The following PRKN variants were observed in gnomAD, a reference collection of about 807,000 sequenced individuals.
PRKN encodes E3 ubiquitin-protein ligase parkin.
A neutral mutation model predicts 59.5 loss-of-function variants in PRKN; 56 were observed. The ratio of observed to expected loss-of-function variants is 0.94; its 90% CI spans 0.76 to 1.18. The LOEUF is 1.18. Among genes scored for constraint, PRKN ranks in the 50% most tolerant of loss-of-function variants. The pLI is 0.00. For missense variants in PRKN, 657 were observed against 596.4 expected (o/e 1.10, Z -1.06); for synonymous variants, 250 against 222.1 (o/e 1.13, Z -1.12).
At chr6:162,494,097 G>A (rs1792943022) in intron 1 of PRKN, among the ~76,000 whole-genome samples, 1 of 152,158 alleles carries the variant, frequency 6.6e-6, no homozygotes, top group Non-Finnish European at 1.5e-5. Context: ...TGGCTGTCTG[G>A]ACTACATTTC....
chr6:161,548,855 C>T lies in PRKN; in HGVS notation c.1082G>A (p.Gly361Glu). 1 of 1,614,068 alleles carries T rather than the reference C, an allele frequency of 6.2e-7. No individual in the cohort carries two copies. The highest frequency in any genetic ancestry group is 8.5e-7 in the Non-Finnish European group (1 of 1,179,934). Residue 361 changes from glycine (G) to glutamate (E), a missense_variant and splice_region_variant, in exon 9 of 12, where the codon GGG becomes GAG. Gly to Glu is a moderately conservative substitution (Grantham distance 98). Transcript: ENST00000366898. This position sits in a 1 kb window ranked among gnomAD's most constrained non-coding sequence, Gnocchi z 4.2. ...TCCAGGGGTGTGGGCAGTACTCACC[C>T]CACAGCCCAGGCCATTGCCCCCTTC... ...TCEGGNGLGC[G>E]FAFCRECKEA... is the part of the protein sequence containing the mutation.
At position 161,411,997 on chromosome 6, in the gene PRKN, TCACTCATTCCTC is replaced by T. The variant is rs1787578713; in HGVS notation, c.1084-25132_1084-25121del. On this transcript the variant is annotated intron_variant, in intron 9 of 11. Transcript: ENST00000366898. Reference sequence around the variant, plus strand: ...CATTCCTTCCTCATTCATTCCTTCCTCACTCATTCCTCCACTCATTCATTCACTCATTCATTC... The same window carrying T: ...CATTCCTTCCTCATTCATTCCTTCCTCACTCATTCATTCACTCATTCATTC... Among the ~76,000 whole-genome samples, 3 of 147,466 alleles carry T rather than the reference TCACTCATTCCTC, an allele frequency of 2.0e-5. No homozygotes were observed. In the South Asian group the frequency reaches 6.7e-4, roughly 33 times the overall value.
At position 161,393,091 on chromosome 6, in the gene PRKN, C is replaced by T. The variant is rs1455596321; in HGVS notation, c.1084-6214G>A. On this transcript the variant is annotated intron_variant, in intron 9 of 11. Transcript: ENST00000366898. This position sits in a 1 kb window ranked among gnomAD's most constrained non-coding sequence, Gnocchi z 4.7. ...TCATTTATTATCTGTGTGATCCCAA[C>T]ATCTCTTTGCTTGAGCTTTTTTGCA... Among the ~76,000 whole-genome samples, 1 of 152,072 alleles carries T rather than the reference C, an allele frequency of 6.6e-6. No homozygotes were observed. Among genetic ancestry groups the T allele is most frequent in the African/African-American group, 2.4e-5 (1 of 41,346 alleles).
At chr6:162,285,544 C>T (rs1781149147) in intron 2 of PRKN, among the ~76,000 whole-genome samples, 1 of 150,712 alleles carries the variant, frequency 6.6e-6, no homozygotes, top group Non-Finnish European at 1.5e-5. Flanking sequence ...ACACTGAAAC[C>T]AGTATAGTGC....
chr6:162,638,541 A>G (rs568320775), intron 1 of PRKN, among the ~76,000 whole-genome samples: 2 of 152,232 alleles, frequency 1.3e-5, no homozygotes, highest in South Asian at 4.2e-4. Context: ...GTCTAAAGCA[A>G]TGGTCTTCAT....
At chr6:162,048,340 C>A (rs1216751121) in intron 5 of PRKN, among the ~76,000 whole-genome samples, 1 of 151,870 alleles carries the variant, frequency 6.6e-6, no homozygotes, top group African/African-American at 2.4e-5. Flanking sequence ...CCATCCTAAA[C>A]CCTACTGTGT....
intron 4 of PRKN, among the ~76,000 whole-genome samples, chr6:162,084,735 T>C (rs1779186386): frequency 6.6e-6 from 1 of 152,202 alleles, no homozygotes; most frequent in Non-Finnish European, 1.5e-5. Context: ...GAGTGTACTG[T>C]AGTTACAGGA....
At chr6:162,228,102 G>A (rs1409992282) in intron 3 of PRKN, among the ~76,000 whole-genome samples, 1 of 152,096 alleles carries the variant, frequency 6.6e-6, no homozygotes, top group African/African-American at 2.4e-5. Context: ...CTCATTCAAG[G>A]ACCTGGGCAT....
At chr6:162,570,847 A>G (rs1040999738) in intron 1 of PRKN, among the ~76,000 whole-genome samples, 2 of 152,170 alleles carry the variant, frequency 1.3e-5, no homozygotes, top group Admixed American at 6.6e-5. Context: ...AAAAAAATAG[A>G]ATGAATAAGA....
chr6:162,385,031 TC>T (rs1451502337), intron 2 of PRKN, among the ~76,000 whole-genome samples: 1 of 152,012 alleles, frequency 6.6e-6, no homozygotes, highest in East Asian at 1.9e-4. Flanking sequence ...ACATAGTATT[TC>T]CCCCCTCATG....
At chr6:161,655,056 G>C (rs1361110126) in intron 7 of PRKN, among the ~76,000 whole-genome samples, 1 of 152,216 alleles carries the variant, frequency 6.6e-6, no homozygotes, top group Non-Finnish European at 1.5e-5. Context: ...CACCACCAAG[G>C]TGCACCGTCA....
At chr6:162,536,784 A>G (rs1778739747) in intron 1 of PRKN, among the ~76,000 whole-genome samples, 1 of 152,150 alleles carries the variant, frequency 6.6e-6, no homozygotes, top group Non-Finnish European at 1.5e-5. Context: ...ATGAATAAAC[A>G]CATTTTTTTG....
At chr6:162,382,250 AAAAGAAGC>A (rs144797389) in intron 2 of PRKN, among the ~76,000 whole-genome samples, 11,694 of 152,198 alleles carry the variant, frequency 0.077, 563 homozygotes, top group Middle Eastern at 0.12. Flanking sequence ...TTAATCTCAC[AAAAGAAGC>A]AACTGTTAAC....
intron 4 of PRKN, among the ~76,000 whole-genome samples, chr6:162,088,874 C>T (rs987472704): frequency 1.3e-5 from 2 of 152,072 alleles, no homozygotes; most frequent in Non-Finnish European, 2.9e-5. Context: ...AAGAATGAAG[C>T]TGAGTTCCTA....
intron 2 of PRKN, among the ~76,000 whole-genome samples, chr6:162,324,782 A>G (rs578252018): frequency 1.8e-4 from 27 of 152,306 alleles, no homozygotes; most frequent in African/African-American, 5.3e-4. Context: ...GTATATGTGT[A>G]CATGTATATG....
rs1217386375 is a variant in PRKN, at chr6:161,473,564, C to T, written c.1083+75290G>A. 6.6e-6 allele frequency among the ~76,000 whole-genome samples: 1 copy of T among 151,326 alleles called. No individual in the cohort carries two copies. Among genetic ancestry groups the T allele is most frequent in the African/African-American group, 2.4e-5 (1 of 41,180 alleles). ...TAGAGACAGAATAAAATGGTGGTTA[C>T]CGGAAGTGGTGGGGGGAATTGTGGC... On this transcript the variant is annotated intron_variant, in intron 9 of 11. Transcript: ENST00000366898. This position sits in a 1 kb window ranked among gnomAD's most constrained non-coding sequence, Gnocchi z 4.1.
chr6:162,062,982 G>A (rs186307797), intron 4 of PRKN, among the ~76,000 whole-genome samples: 11 of 152,266 alleles, frequency 7.2e-5, no homozygotes, highest in African/African-American at 2.6e-4. Flanking sequence ...TGTAGCAAAT[G>A]TTGCTTGAAA....
chr6:161,655,917 C>T (rs1582955591), intron 7 of PRKN, among the ~76,000 whole-genome samples: 2 of 137,746 alleles, frequency 1.5e-5, no homozygotes, highest in African/African-American at 2.8e-5. Flanking sequence ...CACACACACA[C>T]GGTCATATGC....
chr6:161,785,942 C>T (rs767255147), intron 6 of PRKN, 34 bp from the exon 7 acceptor site: 3 of 1,612,104 alleles, frequency 1.9e-6, no homozygotes, highest in Non-Finnish European at 2.5e-6. Context: ...TCCTCTAGTA[C>T]CTGTCAGTGT....
Sources: allele counts gnomAD v4.1 joint callset (sites outside exome capture counted in the v4.1 genomes callset), GRCh38; gene constraint gnomAD v4.1.1; non-coding constraint Gnocchi (gnomAD v3.1); transcripts MANE v1.5; gene names NCBI Gene and HGNC (gene_info 2026-07-23, HGNC 2026-07-21).